Variants in PABPC4L observed in about 807,000 individuals in gnomAD.
PABPC4L encodes the protein polyadenylate-binding protein 4-like.
For synonymous variants in PABPC4L, 169 were observed against 164.1 expected, an observed-to-expected ratio of 1.03 and a Z score of -0.23; for missense variants, 452 against 451.4, an observed-to-expected ratio of 1.00 and a Z score of -0.01.
the PABPC4L span, among the ~76,000 whole-genome samples, chr4:134,118,308 A>C: frequency 6.6e-6 from 1 of 151,832 alleles, no homozygotes; most frequent in African/African-American, 2.4e-5. Context: ...TCAATTGAAA[A>C]TCATGGTTCA....
the PABPC4L span, among the ~76,000 whole-genome samples, chr4:134,154,925 A>C: frequency 2.0e-5 from 3 of 152,118 alleles, no homozygotes; most frequent in Non-Finnish European, 4.4e-5. Context: ...AAGTGATAAA[A>C]CACTATAGCA....
At chr4:133,958,072 C>T in the PABPC4L span, among the ~76,000 whole-genome samples, 1 of 152,230 alleles carries the variant, frequency 6.6e-6, no homozygotes, top group Non-Finnish European at 1.5e-5. Flanking sequence ...CAAATTTATG[C>T]AGCCTGCTTG....
chr4:134,085,502 A>C, the PABPC4L span, among the ~76,000 whole-genome samples: 5 of 152,056 alleles, frequency 3.3e-5, no homozygotes, highest in East Asian at 9.7e-4. Context: ...CTTAATTATC[A>C]CAAAGAAAAC....
chr4:134,147,853 G>C, the PABPC4L span, among the ~76,000 whole-genome samples: 1 of 151,858 alleles, frequency 6.6e-6, no homozygotes, highest in Non-Finnish European at 1.5e-5. Context: ...TGGAGATGTG[G>C]AAAAATGATA....
chr4:134,054,500 A>T, the PABPC4L span, among the ~76,000 whole-genome samples: 2 of 151,608 alleles, frequency 1.3e-5, no homozygotes, highest in East Asian at 3.9e-4. Flanking sequence ...ATCCCCCATT[A>T]CTGTTTTATA....
the PABPC4L span, among the ~76,000 whole-genome samples, chr4:134,096,887 C>T: frequency 1.3e-5 from 2 of 151,870 alleles, no homozygotes; most frequent in Non-Finnish European, 2.9e-5. Flanking sequence ...TGTAAAAATG[C>T]TACTTGCATA....
chr4:134,179,113 C>T, the PABPC4L span, among the ~76,000 whole-genome samples: 1 of 151,672 alleles, frequency 6.6e-6, no homozygotes, highest in South Asian at 2.1e-4. Flanking sequence ...TTTCAAAGGT[C>T]AAAATGAAAG....
At chr4:134,164,855 A>G in the PABPC4L span, among the ~76,000 whole-genome samples, 1 of 152,192 alleles carries the variant, frequency 6.6e-6, no homozygotes, top group Non-Finnish European at 1.5e-5. Context: ...GAAGCATCAC[A>G]TTACCTGATT....
the PABPC4L span, among the ~76,000 whole-genome samples, chr4:134,154,584 CAGA>C: frequency 1.3e-5 from 2 of 152,086 alleles, no homozygotes; most frequent in Admixed American, 1.3e-4. Context: ...TTTGGACAAT[CAGA>C]AGAATAAATT....
chr4:134,159,405 G>A, the PABPC4L span, among the ~76,000 whole-genome samples: 1 of 152,052 alleles, frequency 6.6e-6, no homozygotes, highest in Admixed American at 6.6e-5. Context: ...GGCATTGAAG[G>A]GGACAGGCAG....
At chr4:133,985,452 A>G in the PABPC4L span, among the ~76,000 whole-genome samples, 2 of 152,148 alleles carry the variant, frequency 1.3e-5, no homozygotes, top group Admixed American at 1.3e-4. Context: ...AGTTTCTCCA[A>G]TTACAAATCC....
At chr4:133,990,855 A>G in the PABPC4L span, among the ~76,000 whole-genome samples, 1 of 152,154 alleles carries the variant, frequency 6.6e-6, no homozygotes, top group Admixed American at 6.6e-5. Flanking sequence ...CTTTGCTCTC[A>G]GTTTCTGGAT....
At chr4:134,126,303 T>C in the PABPC4L span, among the ~76,000 whole-genome samples, 1 of 152,120 alleles carries the variant, frequency 6.6e-6, no homozygotes, top group Non-Finnish European at 1.5e-5. Context: ...AGTGATTAAG[T>C]CTCAACTTCC....
the PABPC4L span, among the ~76,000 whole-genome samples, chr4:134,165,337 T>C: frequency 6.6e-6 from 1 of 151,956 alleles, no homozygotes. Flanking sequence ...ATCATCATAG[T>C]AAAGAGAAAA....
the PABPC4L span, among the ~76,000 whole-genome samples, chr4:134,024,405 T>C: frequency 6.6e-6 from 1 of 152,106 alleles, no homozygotes; most frequent in Non-Finnish European, 1.5e-5. Flanking sequence ...AGAATCAAGG[T>C]CTTATCAGTG....
chr4:134,152,229 C>T, the PABPC4L span, among the ~76,000 whole-genome samples: 154 of 151,836 alleles, frequency 1.0e-3, no homozygotes, highest in African/African-American at 1.4e-3. Flanking sequence ...TCTATAGCTA[C>T]GAGAGATATT....
At chr4:134,149,355 C>T in the PABPC4L span, among the ~76,000 whole-genome samples, 16 of 152,086 alleles carry the variant, frequency 1.1e-4, no homozygotes, top group Non-Finnish European at 2.1e-4. Context: ...AATGAACTAG[C>T]GAAAAAATAT....
At chr4:133,979,043 T>A in the PABPC4L span, 7 of 152,180 alleles carry the variant, frequency 4.6e-5, no homozygotes, top group African/African-American at 1.7e-4. Flanking sequence ...ATCTTTTGTA[T>A]AATTATAATT....
chr4:134,131,820 G>A, the PABPC4L span, among the ~76,000 whole-genome samples: 2 of 144,268 alleles, frequency 1.4e-5, no homozygotes, highest in African/African-American at 2.6e-5. Flanking sequence ...ACACTTTACT[G>A]TAAGGTTATA....
Sources: allele counts gnomAD v4.1 joint callset (sites outside exome capture counted in the v4.1 genomes callset), GRCh38; gene constraint gnomAD v4.1.1; transcripts MANE v1.5; gene names NCBI Gene and HGNC (gene_info 2026-07-23, HGNC 2026-07-21).